PRMT7: variants seen among roughly 807,000 people sequenced by gnomAD.
PRMT7 encodes protein arginine N-methyltransferase 7.
A neutral mutation model predicts 85.4 loss-of-function variants in PRMT7; 75 were observed. That is an observed-to-expected ratio of 0.88 (90% CI 0.73 to 1.06). The LOEUF (loss-of-function observed/expected upper bound fraction) is 1.06. Among genes scored for constraint, PRMT7 ranks in the 50% least tolerant of loss-of-function variants. The probability of loss-of-function intolerance (pLI) is 0.00; values close to 1 mark genes in which losing one functional copy is unlikely to be tolerated. For missense variants in PRMT7, 868 were observed against 915.2 expected (o/e 0.95, Z 0.67); for synonymous variants, 397 against 359.5 (o/e 1.10, Z -1.18).
chr16:68,357,611 C>A lies in PRMT7; in HGVS notation c.*387C>A. ...TGGCGAGCAGTCCCCGTGGCGGGAG[C>A]CTGTCCTGTCTGTCTCACTCTCGAG... On this transcript the variant is annotated 3_prime_UTR_variant, in exon 19 of 19. Coordinates refer to ENST00000441236, the MANE Select transcript of PRMT7 (RefSeq NM_019023.5). The A allele has an allele frequency of 5.3e-6, 1 of 187,578 alleles. No individual in the cohort carries two copies. Among genetic ancestry groups the A allele is most frequent in the Non-Finnish European group, 1.1e-5 (1 of 90,968 alleles). 11.6% of individuals were successfully genotyped at this position (187,578 alleles called of 1,614,324 possible).
intron 9 of PRMT7, among the ~76,000 whole-genome samples, chr16:68,340,454 A>G (rs1316010177): frequency 6.6e-6 from 1 of 152,072 alleles, no homozygotes; most frequent in Admixed American, 6.6e-5. Context: ...TGCTCACAGC[A>G]CCTATGCTCC....
intron 3 of PRMT7, among the ~76,000 whole-genome samples, chr16:68,319,517 G>A (rs1326692855): frequency 1.3e-5 from 2 of 150,790 alleles, no homozygotes; most frequent in African/African-American, 2.4e-5. Context: ...TAAATAGTGA[G>A]CAGAGGTAGA....
intron 2 of PRMT7, among the ~76,000 whole-genome samples, chr16:68,314,574 C>G (rs965117632): frequency 6.6e-6 from 1 of 152,090 alleles, no homozygotes; most frequent in Non-Finnish European, 1.5e-5. Flanking sequence ...TTTACTTACT[C>G]TAGATAACTT....
intron 9 of PRMT7, among the ~76,000 whole-genome samples, chr16:68,340,581 T>TAA (rs34764923): frequency 2.1e-5 from 3 of 142,740 alleles, no homozygotes; most frequent in Non-Finnish European, 3.1e-5. Context: ...AACCTGTCTC[T>TAA]AAAAAAAAAA....
At chr16:68,360,433 TG>T (rs1173083637), downstream of PRMT7, 2 of 151,860 alleles carry the variant, frequency 1.3e-5, no homozygotes, top group Non-Finnish European at 2.9e-5. Flanking sequence ...AGGCCCAGGG[TG>T]CCAGAGCCTG....
intron 3 of PRMT7, among the ~76,000 whole-genome samples, chr16:68,316,316 C>T (rs58542611): frequency 0.14 from 20,778 of 152,042 alleles, 1,524 homozygotes; most frequent in African/African-American, 0.18. Flanking sequence ...ATCTGTTTAA[C>T]GGAGCAAAGA....
In PRMT7 at chr16:68,345,817, G is replaced by A. The variant is rs771909134; in HGVS notation, c.1055+15G>A. The stretch of plus-strand genomic sequence containing the variant: ...CAGAGGACCAGGTACGTCGAGCCTC[G>A]TGGGGGTGGAGGATGAGCCTCTGAG... On this transcript the variant is annotated intron_variant, in intron 10 of 18. Transcript: ENST00000441236. 9 of 1,613,786 alleles carry A rather than the reference G, an allele frequency of 5.6e-6. No individual in the cohort carries two copies. The East Asian group carries it at 8.9e-5, about 16-fold the overall frequency.
chr16:68,352,293 C>G lies in PRMT7; in HGVS notation c.1459C>G (p.Pro487Ala). 1 of 1,613,716 alleles carries G rather than the reference C, an allele frequency of 6.2e-7. No individual in the cohort carries two copies. Among genetic ancestry groups the G allele is most frequent in the Non-Finnish European group, 8.5e-7 (1 of 1,180,016 alleles). ...GEPFFTTSLLPWHNLYFWYVR... is the reference protein window; with the variant it reads ...GEPFFTTSLLAWHNLYFWYVR... ...GCCGTTCTTCACTACCAGCCTGCTG[C>G]CGTGGCACAACCTCTACTTCTGGTA... Residue 487 changes from proline (P) to alanine (A), a missense_variant, in exon 15 of 19, where the codon CCG becomes GCG. Transcript: ENST00000441236.
chr16:68,322,494 G>T (rs577220455), intron 4 of PRMT7: 165 of 411,746 alleles, frequency 4.0e-4, no homozygotes, highest in African/African-American at 3.1e-3. Flanking sequence ...TACTGCGCCC[G>T]GCCATCGTGT....
At chr16:68,321,537 C>T in intron 4 of PRMT7, 75 bp downstream of exon 4, 5 of 1,400,996 alleles carry the variant, frequency 3.6e-6, no homozygotes, top group Admixed American at 1.9e-5. Flanking sequence ...TTAAGAATCC[C>T]TGGGGGTCAT....
chr16:68,343,527 T>A (rs1419971824), intron 9 of PRMT7, among the ~76,000 whole-genome samples: 1 of 152,176 alleles, frequency 6.6e-6, no homozygotes, highest in East Asian at 1.9e-4. Flanking sequence ...CTGTCCCACC[T>A]TGGCACAGTG....
chr16:68,341,308 G>A (rs569287027), intron 9 of PRMT7, among the ~76,000 whole-genome samples: 1 of 152,296 alleles, frequency 6.6e-6, no homozygotes, highest in South Asian at 2.1e-4. Flanking sequence ...TGACACCATG[G>A]CATTGCAATA....
chr16:68,336,093 A>G (rs905234692), intron 6 of PRMT7, among the ~76,000 whole-genome samples: 3 of 152,088 alleles, frequency 2.0e-5, no homozygotes, highest in Admixed American at 1.3e-4. Flanking sequence ...AGCTGCTTTC[A>G]TGCTTCTCTT....
intron 16 of PRMT7, 138 bp downstream of exon 16, chr16:68,353,704 C>A: frequency 1.4e-6 from 1 of 715,914 alleles, no homozygotes; most frequent in Non-Finnish European, 2.2e-6. Flanking sequence ...TGTGGTTCAA[C>A]ATGAGCATTG....
chr16:68,311,232 G>C (rs1416214970), intron 1 of PRMT7, 133 bp downstream of exon 1: 6 of 495,840 alleles, frequency 1.2e-5, no homozygotes, highest in East Asian at 3.9e-5. Flanking sequence ...GCGTGGGGCA[G>C]CTCGGGACAC....
At chr16:68,349,810 G>T (rs533771973) in intron 14 of PRMT7, among the ~76,000 whole-genome samples, 1 of 152,152 alleles carries the variant, frequency 6.6e-6, no homozygotes, top group Admixed American at 6.5e-5. Context: ...TGGGAGGATC[G>T]CCTGAGCCCA....
chr16:68,347,695 G>A lies in PRMT7; in HGVS notation c.1323+17G>A. The A allele has an allele frequency of 6.2e-7, 1 of 1,612,974 alleles. No homozygotes were observed. The highest frequency in any genetic ancestry group is 1.3e-5 in the African/African-American group (1 of 75,026). ...TTGAGAAAAGTAAGTGAGAATTGTT[G>A]TTGCTGAAATAGTGAGAGGACCTGT... On this transcript the variant is annotated intron_variant, in intron 13 of 18. Coordinates refer to ENST00000441236, the MANE Select transcript of PRMT7 (RefSeq NM_019023.5).
At position 68,337,569 on chromosome 16, in the gene PRMT7, G is replaced by A. The variant is rs1256842568; in HGVS notation, c.502G>A (p.Glu168Lys). 6.2e-7 allele frequency: 1 copy of A among 1,602,680 alleles called. No homozygotes were observed. Among genetic ancestry groups the A allele is most frequent in the Admixed American group, 1.7e-5 (1 of 58,978 alleles). ...SYEHAHRHLVEENCEAVPHRA... is the reference protein window; with the variant it reads ...SYEHAHRHLVKENCEAVPHRA... ...TGAGCACGCACACAGGCATCTCGTG[G>A]AGGTAGTAGACGGAGGGCTCCCTCA... is the stretch of plus-strand genomic sequence containing the variant. Residue 168 changes from glutamate to lysine, a missense_variant and splice_region_variant, in exon 7 of 19, where the codon GAG becomes AAG. Transcript: ENST00000441236.
chr16:68,353,638 C>A, intron 16 of PRMT7, 72 bp downstream of exon 16: 2 of 1,415,446 alleles, frequency 1.4e-6, no homozygotes, highest in African/African-American at 1.5e-5. Flanking sequence ...AGGGTCCCAG[C>A]TTGGGCAGCA....
Sources: allele counts gnomAD v4.1 joint callset (sites outside exome capture counted in the v4.1 genomes callset), GRCh38; gene constraint gnomAD v4.1.1; transcripts MANE v1.5; gene names NCBI Gene and HGNC (gene_info 2026-07-23, HGNC 2026-07-21).